Variants in CEP72 observed in about 807,000 individuals in gnomAD.
CEP72 encodes centrosomal protein 72, also known as centrosomal protein of 72 kDa.
A neutral mutation model predicts 65.7 loss-of-function variants in CEP72; 78 were observed. The ratio of observed to expected loss-of-function variants is 1.19; its 90% CI spans 0.99 to 1.43. CEP72 has a LOEUF of 1.43. Ranked by LOEUF, CEP72 falls within the 40% of genes most tolerant of loss-of-function variation. CEP72 has a pLI of 0.00. For missense variants in CEP72, 914 were observed against 832.9 expected (o/e 1.10, Z -1.20); for synonymous variants, 358 against 351.7 (o/e 1.02, Z -0.20).
In CEP72 at chr5:644,386, A is replaced by C. The variant is rs771771052; in HGVS notation, c.1627A>C (p.Ser543Arg). ...LLLSMKKEVKSADTAATLNLQ... is the reference protein window; with the variant it reads ...LLLSMKKEVKRADTAATLNLQ... ...GTTGAGTATGAAAAAGGAAGTGAAGAGTGCAGACACTGCAGCCACGTTAAA... is the reference window on the plus strand; with the variant it reads ...GTTGAGTATGAAAAAGGAAGTGAAGCGTGCAGACACTGCAGCCACGTTAAA... Residue 543 changes from serine to arginine, a missense_variant, in exon 10 of 12, where the codon AGT (serine) becomes CGT (arginine). Coordinates refer to ENST00000264935, the MANE Select transcript of CEP72 (RefSeq NM_018140.4). 2 of 1,613,998 alleles carry C rather than the reference A, an allele frequency of 1.2e-6. No individual in the cohort carries two copies. Among genetic ancestry groups the C allele is most frequent in the South Asian group, 2.2e-5 (2 of 91,082 alleles).
chr5:638,941 G>A lies in CEP72; in HGVS notation c.1207-148G>A, dbSNP rs1340563617. 30 of 971,510 alleles carry A rather than the reference G, an allele frequency of 3.1e-5. No individual in the cohort carries two copies. In the Middle Eastern group the frequency reaches 9.5e-4, roughly 31 times the overall value. The allele number at this position is 971,510 out of a possible 1,614,324, so 60.2% of individuals were successfully genotyped here. On this transcript the variant is annotated intron_variant, in intron 7 of 11. Coordinates refer to ENST00000264935, the MANE Select transcript of CEP72 (RefSeq NM_018140.4). ...CTCACTGGGCAGGCACTGCTGAGCC[G>A]CCCTCCACCTGGCTCAGGGCTGGGG...
rs778950063 is a variant in CEP72, at chr5:639,118, C to A, written c.1236C>A (p.Pro412=). The change falls in exon 8 of 12, where the codon CCC becomes CCA. Residue 412 remains proline, a synonymous_variant. Transcript: ENST00000264935. The part of the protein sequence containing the change: ...EPSPGSHSAL[P]GKKTALQAAL... Reference sequence around the variant, plus strand: ...CTCCCGGGTCACACTCGGCTCTACCCGGGAAGAAGACGGCCCTGCAGGCGG... The same window carrying A: ...CTCCCGGGTCACACTCGGCTCTACCAGGGAAGAAGACGGCCCTGCAGGCGG... 1.9e-6 allele frequency: 3 copies of A among 1,613,320 alleles called. No homozygotes were observed. Among genetic ancestry groups the A allele is most frequent in the Non-Finnish European group, 2.5e-6 (3 of 1,179,854 alleles).
chr5:654,095 GC>G (rs1269928594), downstream of CEP72, among the ~76,000 whole-genome samples: 27 of 140,036 alleles, frequency 1.9e-4, no homozygotes, highest in Non-Finnish European at 3.4e-4. Flanking sequence ...GTGTGTGCTA[GC>G]TGTGTGTGTG....
At chr5:637,245 C>T (rs1190587941) in intron 6 of CEP72, among the ~76,000 whole-genome samples, 1 of 152,236 alleles carries the variant, frequency 6.6e-6, no homozygotes, top group Non-Finnish European at 1.5e-5. Context: ...TCCGTGTCTG[C>T]TTCATCCAGA....
chr5:617,579 G>A (rs533696846), intron 1 of CEP72, among the ~76,000 whole-genome samples: 5 of 152,326 alleles, frequency 3.3e-5, no homozygotes, highest in South Asian at 2.1e-4. Context: ...ACCCTGTCCC[G>A]GTGGCAGGGT....
rs200208482 is a variant in CEP72 at position 639,236 on chromosome 5, C to T, written c.1342+12C>T. On this transcript the variant is annotated intron_variant, in intron 8 of 11. Coordinates refer to ENST00000264935, the MANE Select transcript of CEP72 (RefSeq NM_018140.4). ...CGAGGCATTCCTTGGTGAGTCAGGG[C>T]GGCCACTGCTCTTGCCCTGTAGGCA... The T allele has an allele frequency of 3.0e-4, 461 of 1,559,640 alleles. 2 individuals carry two copies. In the African/African-American group the frequency reaches 5.0e-3, roughly 17 times the overall value.
chr5:671,513 C>A (rs754472529), downstream of CEP72, among the ~76,000 whole-genome samples: 103 of 152,380 alleles, frequency 6.8e-4, 1 homozygote, highest in Non-Finnish European at 9.6e-4. Context: ...CCTGGTCAGG[C>A]TCATGGGGCA....
intron 8 of CEP72, 38 bp from the exon 9 acceptor site, chr5:640,370 G>A: frequency 6.3e-7 from 1 of 1,593,066 alleles, no homozygotes; most frequent in Non-Finnish European, 8.6e-7. Context: ...CATCCTTTAA[G>A]CCTAAGTGCT....
downstream of CEP72, among the ~76,000 whole-genome samples, chr5:656,444 G>C (rs901337650): frequency 6.6e-6 from 1 of 152,154 alleles, no homozygotes; most frequent in African/African-American, 2.4e-5. Context: ...AAATGTTAGG[G>C]CTCCTTCAGC....
Position 633,939 on chromosome 5 carries a change from G to A in CEP72, c.683G>A (p.Gly228Asp), listed in dbSNP as rs145238934. The part of the protein sequence containing the change: ...SQKGREADSR[G>D]SQESRHLLSP... Reference sequence around the variant, plus strand: ...AAGGGGCGTGAGGCCGACTCTCGTGGTTCCCAAGGTGCGCTGCTCATCTGC... The same window carrying A: ...AAGGGGCGTGAGGCCGACTCTCGTGATTCCCAAGGTGCGCTGCTCATCTGC... Residue 228 changes from glycine to aspartate, a missense_variant, in exon 5 of 12, where the codon GGT becomes GAT. Transcript: ENST00000264935. The A allele has an allele frequency of 1.5e-4, 240 of 1,611,594 alleles. No homozygotes were observed. Among genetic ancestry groups the A allele is most frequent in the Admixed American group, 2.2e-4 (13 of 60,032 alleles).
intron 10 of CEP72, among the ~76,000 whole-genome samples, chr5:646,262 G>A (rs1248475597): frequency 7.9e-5 from 12 of 152,188 alleles, no homozygotes; most frequent in Non-Finnish European, 1.6e-4. Context: ...TCTTCCCTGA[G>A]TTCAGAACCC....
At chr5:646,077 T>C (rs1470914032) in intron 10 of CEP72, among the ~76,000 whole-genome samples, 1 of 152,210 alleles carries the variant, frequency 6.6e-6, no homozygotes, top group Non-Finnish European at 1.5e-5. Flanking sequence ...TGAGCGTCAC[T>C]CTTGCTCCCA....
At chr5:651,779 C>T (rs1250196503) in intron 11 of CEP72, among the ~76,000 whole-genome samples, 3 of 151,976 alleles carry the variant, frequency 2.0e-5, no homozygotes, top group Admixed American at 1.3e-4. Context: ...TTGCTGTGGC[C>T]TCAGCAGGGA....
At chr5:665,291 G>A in exon 3 of CEP72, 1 of 1,612,442 alleles carries the variant, frequency 6.2e-7, no homozygotes, top group Non-Finnish European at 8.5e-7. Context: ...GCGACGAGAT[G>A]GCTTTCTGCA....
At chr5:675,377 GT>G in the CEP72 span, among the ~76,000 whole-genome samples, 37 of 107,476 alleles carry the variant, frequency 3.4e-4, no homozygotes, top group Non-Finnish European at 5.6e-4. Context: ...GTGGCCGGGG[GT>G]GCAGCGCAGA....
downstream of CEP72, among the ~76,000 whole-genome samples, chr5:654,121 G>T (rs1561069408): frequency 1.4e-5 from 2 of 147,842 alleles, no homozygotes; most frequent in African/African-American, 5.1e-5. Flanking sequence ...CTGTGTGTGT[G>T]TGCTGTGTGT....
intron 2 of CEP72, chr5:664,741 C>G (rs1353407306): frequency 4.3e-6 from 1 of 230,462 alleles, no homozygotes; most frequent in Non-Finnish European, 8.6e-6. Context: ...GTCTGCCGCT[C>G]AGGAGGTCAG....
chr5:671,119 T>C (rs768592806), downstream of CEP72, among the ~76,000 whole-genome samples: 4 of 152,186 alleles, frequency 2.6e-5, no homozygotes, highest in Admixed American at 2.0e-4. Context: ...TCCGGAGGTC[T>C]GGCTACCGAA....
intron 4 of CEP72, among the ~76,000 whole-genome samples, chr5:666,630 G>T (rs1023937783): frequency 6.6e-6 from 1 of 152,204 alleles, no homozygotes; most frequent in Non-Finnish European, 1.5e-5. Context: ...TCCAAAACCC[G>T]CCAGGCGGCC....
Sources: gnomAD v4.1 joint callset for allele counts (sites outside exome capture counted in the v4.1 genomes callset) on GRCh38, gnomAD v4.1.1 for gene constraint, MANE v1.5 for transcripts, NCBI Gene and HGNC (gene_info 2026-07-23, HGNC 2026-07-21) for gene names.